The following MBD5 variants were observed in gnomAD, a reference collection of about 807,000 sequenced individuals.
MBD5 encodes methyl-CpG-binding domain protein 5.
In MBD5, 13 loss-of-function variants were observed where a neutral mutation model predicts 117.3. The ratio of observed to expected loss-of-function variants is 0.11; its 90% CI spans 0.07 to 0.18. MBD5 has a LOEUF of 0.18. MBD5 is among the 10% of genes least tolerant of loss of function. The pLI is 1.00. For synonymous variants in MBD5, 727 were observed against 766.4 expected (o/e 0.95, Z 0.85); for missense variants, 1,879 against 2,093.8 (o/e 0.90, Z 2.00).
chr2:148,147,942 T>A (rs150738348), intron 1 of MBD5, among the ~76,000 whole-genome samples: 1 of 152,298 alleles, frequency 6.6e-6, no homozygotes, highest in East Asian at 1.9e-4. Flanking sequence ...CAAGTCACCA[T>A]ACATGGCTCT....
intron 4 of MBD5, among the ~76,000 whole-genome samples, chr2:148,427,865 A>T (rs1045516303): frequency 6.6e-6 from 1 of 152,170 alleles, no homozygotes; most frequent in Non-Finnish European, 1.5e-5. Context: ...AGAGCTATGT[A>T]TGACAAACTC....
chr2:148,403,356 T>C (rs368440286), intron 4 of MBD5, among the ~76,000 whole-genome samples: 162 of 152,172 alleles, frequency 1.1e-3, no homozygotes, highest in African/African-American at 3.7e-3. Flanking sequence ...ATTTTTGTAC[T>C]TTTAGTAGAG....
At chr2:148,354,189 C>T (rs977229294) in intron 4 of MBD5, among the ~76,000 whole-genome samples, 2 of 152,108 alleles carry the variant, frequency 1.3e-5, no homozygotes, top group Non-Finnish European at 2.9e-5. Flanking sequence ...TGGTTTGCTG[C>T]ACCTATCAAC....
chr2:148,099,687 G>A (rs1240241031), intron 1 of MBD5, among the ~76,000 whole-genome samples: 1 of 152,158 alleles, frequency 6.6e-6, no homozygotes, highest in African/African-American at 2.4e-5. Context: ...AAATTCATCA[G>A]ATCTGATGCC....
intron 2 of MBD5, among the ~76,000 whole-genome samples, chr2:148,216,746 T>G (rs1297234422): frequency 4.9e-4 from 74 of 152,272 alleles, no homozygotes. Flanking sequence ...AGGTCTTCTG[T>G]CCCCAATTCT....
intron 1 of MBD5, among the ~76,000 whole-genome samples, chr2:148,110,258 A>G (rs1696476387): frequency 1.3e-5 from 2 of 152,176 alleles, no homozygotes; most frequent in Admixed American, 6.5e-5. Context: ...TGAGACGTTG[A>G]GCCAGAATTC....
intron 4 of MBD5, among the ~76,000 whole-genome samples, chr2:148,429,477 C>T (rs1452026244): frequency 6.6e-6 from 1 of 152,034 alleles, no homozygotes; most frequent in Non-Finnish European, 1.5e-5. Flanking sequence ...ACCATTTCAC[C>T]CAGCAATCCC....
At chr2:148,482,009 A>G (rs1029847303) in intron 8 of MBD5, among the ~76,000 whole-genome samples, 1 of 152,168 alleles carries the variant, frequency 6.6e-6, no homozygotes, top group Non-Finnish European at 1.5e-5. Flanking sequence ...TCTTTACGCA[A>G]TCAGAATGGT....
At chr2:148,292,511 A>G (rs1456948978) in intron 3 of MBD5, among the ~76,000 whole-genome samples, 1 of 152,218 alleles carries the variant, frequency 6.6e-6, no homozygotes, top group Non-Finnish European at 1.5e-5. Context: ...TCGAGACTAC[A>G]ATGAGATATC....
At chr2:148,266,120 A>G (rs565064328) in intron 3 of MBD5, among the ~76,000 whole-genome samples, 11 of 152,282 alleles carry the variant, frequency 7.2e-5, no homozygotes, top group Admixed American at 7.2e-4. Flanking sequence ...TCTCACATGG[A>G]AACTTCAATG....
At chr2:148,159,360 C>T (rs137892556) in intron 1 of MBD5, among the ~76,000 whole-genome samples, 64 of 152,182 alleles carry the variant, frequency 4.2e-4, no homozygotes, top group Admixed American at 2.0e-4. Context: ...CTCTGTCTCC[C>T]AGGCTGGAGT....
chr2:148,151,129 T>C (rs1278276919), intron 1 of MBD5, among the ~76,000 whole-genome samples: 1 of 150,344 alleles, frequency 6.7e-6, no homozygotes, highest in Non-Finnish European at 1.5e-5. Context: ...AATACCTAAT[T>C]TATTGAGAGT....
At chr2:148,437,808 C>A (rs977322106) in intron 4 of MBD5, among the ~76,000 whole-genome samples, 1 of 152,044 alleles carries the variant, frequency 6.6e-6, no homozygotes, top group Non-Finnish European at 1.5e-5. Context: ...TAATTGTTTG[C>A]ACCCAGCTTT....
At chr2:148,263,011 T>C (rs914807508) in intron 3 of MBD5, among the ~76,000 whole-genome samples, 5 of 152,174 alleles carry the variant, frequency 3.3e-5, no homozygotes, top group African/African-American at 1.2e-4. Context: ...CTGAGTGTGA[T>C]TCAAAGGAGA....
At chr2:148,512,641 G>T (rs534847461) in intron 13 of MBD5, among the ~76,000 whole-genome samples, 1 of 152,142 alleles carries the variant, frequency 6.6e-6, no homozygotes, top group Non-Finnish European at 1.5e-5. Flanking sequence ...ATTGGCACCC[G>T]CAGAGTGTTG....
At chr2:148,458,088 G>C (rs969714931) in intron 4 of MBD5, 115 bp from the exon 5 acceptor site, 3 of 391,882 alleles carry the variant, frequency 7.7e-6, no homozygotes, top group Non-Finnish European at 1.4e-5. Flanking sequence ...GATTTTGATA[G>C]CAAAGGACAT....
intron 4 of MBD5, among the ~76,000 whole-genome samples, chr2:148,386,578 G>A (rs1023635375): frequency 4.0e-5 from 6 of 151,230 alleles, no homozygotes; most frequent in African/African-American, 1.5e-4. Context: ...AATTAGCCGG[G>A]CGTAGTGGCG....
At chr2:148,468,283 T>C in intron 7 of MBD5, 58 bp from the exon 8 acceptor site, 1 of 1,405,364 alleles carries the variant, frequency 7.1e-7, no homozygotes, top group South Asian at 1.2e-5. Flanking sequence ...CTTCCCTCCC[T>C]CCCACCACAA....
chr2:148,080,909 T>C (rs953986100), intron 1 of MBD5, among the ~76,000 whole-genome samples: 2 of 152,214 alleles, frequency 1.3e-5, no homozygotes. Flanking sequence ...TTCTGTAATA[T>C]GGTTGTACTT....
Sources: allele counts gnomAD v4.1 joint callset (sites outside exome capture counted in the v4.1 genomes callset), GRCh38; gene constraint gnomAD v4.1.1; transcripts MANE v1.5; gene names NCBI Gene and HGNC (gene_info 2026-07-23, HGNC 2026-07-21).